The following WWOX variants were observed in gnomAD, a reference collection of about 807,000 sequenced individuals.
WWOX encodes the protein WW domain-containing oxidoreductase.
A neutral mutation model predicts 46.2 loss-of-function variants in WWOX; 69 were observed. The observed-to-expected ratio is 1.49, with a 90% CI of 1.23 to 1.82. The LOEUF (loss-of-function observed/expected upper bound fraction) is 1.82, where lower values mean the gene tolerates loss of function less well. Among genes scored for constraint, WWOX ranks in the 40% most tolerant of loss-of-function variants. WWOX has a pLI of 0.00. For missense variants in WWOX, 919 were observed against 542.6 expected, an observed-to-expected ratio of 1.69 and a Z score of -6.89; for synonymous variants, 359 against 202.6, an observed-to-expected ratio of 1.77 and a Z score of -6.56.
chr16:79,148,515 C>T (rs1400935247), intron 8 of WWOX, among the ~76,000 whole-genome samples: 2 of 152,048 alleles, frequency 1.3e-5, no homozygotes, highest in East Asian at 3.9e-4. Flanking sequence ...TCACTGTATT[C>T]TTTTTTATTA....
intron 8 of WWOX, among the ~76,000 whole-genome samples, chr16:78,985,193 G>C (rs888129534): frequency 6.6e-6 from 1 of 152,198 alleles, no homozygotes; most frequent in African/African-American, 2.4e-5. Flanking sequence ...TTTCTTCCAG[G>C]ACTTAACTCT....
intron 8 of WWOX, among the ~76,000 whole-genome samples, chr16:79,148,284 T>G (rs996400365): frequency 6.6e-6 from 1 of 152,200 alleles, no homozygotes; most frequent in Non-Finnish European, 1.5e-5. Flanking sequence ...TCTAATAAAT[T>G]TTGCCTAGGA....
At chr16:78,591,244 C>T (rs184622138) in intron 8 of WWOX, among the ~76,000 whole-genome samples, 1 of 152,270 alleles carries the variant, frequency 6.6e-6, no homozygotes, top group Non-Finnish European at 1.5e-5. Context: ...CTATATGTAC[C>T]TCTTGGGAAC....
intron 8 of WWOX, among the ~76,000 whole-genome samples, chr16:78,647,282 G>T (rs1197072716): frequency 6.6e-6 from 1 of 152,166 alleles, no homozygotes; most frequent in Non-Finnish European, 1.5e-5. Flanking sequence ...ATGCTTTACA[G>T]GAAGGGGAGT....
At chr16:78,344,323 G>C (rs1302660839) in intron 5 of WWOX, among the ~76,000 whole-genome samples, 2 of 120,578 alleles carry the variant, frequency 1.7e-5, no homozygotes, top group East Asian at 3.9e-4. Flanking sequence ...TCTAAAATCT[G>C]CATTTGTCAA....
rs576769999 is a variant in WWOX, at chr16:78,312,520, G to A, written c.517-74340G>A. On this transcript the variant is annotated intron_variant, in intron 5 of 8. Transcript: ENST00000566780. ...CTCCTGAGTAGCTGGGATTACAGGT[G>A]CCTGCCACCATGCCCAGCTAACTTT... Among the ~76,000 whole-genome samples the A allele has an allele frequency of 3.3e-5, 5 of 152,066 alleles. No homozygotes were observed. In the East Asian group the frequency reaches 9.7e-4, roughly 30 times the overall value.
chr16:78,768,191 C>G (rs2049972686), intron 8 of WWOX, among the ~76,000 whole-genome samples: 1 of 141,898 alleles, frequency 7.0e-6, no homozygotes, highest in African/African-American at 2.6e-5. Context: ...CAAAGAAGTA[C>G]AGCCAGTATG....
intron 8 of WWOX, among the ~76,000 whole-genome samples, chr16:78,967,459 G>GTTTTT (rs57576563): frequency 1.0e-5 from 1 of 98,332 alleles, no homozygotes; most frequent in Non-Finnish European, 1.9e-5. Context: ...AATTTTTGTG[G>GTTTTT]TTTTTTTTTT....
intron 8 of WWOX, among the ~76,000 whole-genome samples, chr16:79,068,820 CAAT>C (rs61494401): frequency 0.22 from 30,388 of 138,258 alleles, 3,437 homozygotes; most frequent in Admixed American, 0.34. Context: ...CAAAAAAACC[CAAT>C]AATAATAATA....
chr16:78,510,409 T>C (rs551625264), intron 8 of WWOX, among the ~76,000 whole-genome samples: 26 of 152,236 alleles, frequency 1.7e-4, no homozygotes, highest in African/African-American at 6.3e-4. Context: ...TTTCACCCTT[T>C]TGATTGGTTG....
In WWOX at chr16:78,751,274, T is replaced by C. The variant is rs906759666; in HGVS notation, c.1056+318522T>C. Among the ~76,000 whole-genome samples the C allele has an allele frequency of 4.0e-5, 6 of 151,760 alleles. No homozygotes were observed. In the East Asian group the frequency reaches 7.7e-4, roughly 20 times the overall value. On this transcript the variant is annotated intron_variant, in intron 8 of 8. Coordinates refer to ENST00000566780, the MANE Select transcript of WWOX (RefSeq NM_016373.4). ...GAGATAAATATACCTGGAAACTTTA[T>C]GAATTATTTCTGACATCTAGCATTA...
chr16:78,799,823 A>T (rs1390635595), intron 8 of WWOX, among the ~76,000 whole-genome samples: 1 of 152,198 alleles, frequency 6.6e-6, no homozygotes, highest in African/African-American at 2.4e-5. Context: ...AAGCTGCCCA[A>T]TTATACCCAA....
intron 5 of WWOX, among the ~76,000 whole-genome samples, chr16:78,239,821 C>T (rs1156693116): frequency 6.6e-6 from 1 of 152,168 alleles, no homozygotes; most frequent in Non-Finnish European, 1.5e-5. Context: ...AGATGTGAGC[C>T]ACCACACCAG....
At chr16:78,630,864 C>T (rs912587704) in intron 8 of WWOX, among the ~76,000 whole-genome samples, 1 of 129,292 alleles carries the variant, frequency 7.7e-6, no homozygotes, top group Admixed American at 8.9e-5. Flanking sequence ...CGAAAGAGGC[C>T]ATATGCAGTC....
chr16:78,806,258 C>G (rs545288528), intron 8 of WWOX, among the ~76,000 whole-genome samples: 3 of 152,232 alleles, frequency 2.0e-5, no homozygotes, highest in Non-Finnish European at 2.9e-5. Context: ...CATTTTCTGG[C>G]CATTTGGATA....
At chr16:78,549,991 AT>A (rs370516101) in intron 8 of WWOX, among the ~76,000 whole-genome samples, 261 of 152,346 alleles carry the variant, frequency 1.7e-3, no homozygotes, top group African/African-American at 6.2e-3. Context: ...CCCCGCAACA[AT>A]GAAGGGAAAT....
chr16:78,674,527 C>T (rs2047545277), intron 8 of WWOX, among the ~76,000 whole-genome samples: 1 of 152,052 alleles, frequency 6.6e-6, no homozygotes, highest in Admixed American at 6.5e-5. Context: ...TCAGGTGATC[C>T]ACCCTCCTCA....
At chr16:78,206,672 T>C (rs2036405713) in intron 5 of WWOX, among the ~76,000 whole-genome samples, 1 of 152,224 alleles carries the variant, frequency 6.6e-6, no homozygotes, top group Admixed American at 6.5e-5. Context: ...TTAATAGTTA[T>C]GAAAATCATT....
chr16:78,639,576 T>G (rs1395599841), intron 8 of WWOX, among the ~76,000 whole-genome samples: 4 of 38,220 alleles, frequency 1.0e-4, no homozygotes, highest in African/African-American at 3.5e-4. Flanking sequence ...TGGATTTTTT[T>G]TTTTTCCAGA....
Sources: allele counts gnomAD v4.1 joint callset (sites outside exome capture counted in the v4.1 genomes callset), GRCh38; gene constraint gnomAD v4.1.1; transcripts MANE v1.5; gene names NCBI Gene and HGNC (gene_info 2026-07-23, HGNC 2026-07-21).